DNAH6: variants seen among roughly 807,000 people sequenced by gnomAD.
DNAH6 encodes the protein dynein axonemal heavy chain 6.
A neutral mutation model predicts 491.4 loss-of-function variants in DNAH6; 340 were observed. The observed-to-expected ratio is 0.69, with a 90% confidence interval of 0.63 to 0.76. The LOEUF is 0.76. DNAH6 is among the 30% of genes least tolerant of loss of function. The pLI is 0.00. For synonymous variants in DNAH6, 1,603 were observed against 1,686.1 expected (o/e 0.95, Z 1.21); for missense variants, 4,443 against 4,972.2 (o/e 0.89, Z 3.20).
chr2:84,598,175 CTT>C (rs1684854049), intron 18 of DNAH6, among the ~76,000 whole-genome samples: 1 of 73,628 alleles, frequency 1.4e-5, no homozygotes, highest in African/African-American at 3.3e-5. Context: ...TTCTTTCTTT[CTT>C]TCTCTCTTTC....
the DNAH6 span, among the ~76,000 whole-genome samples, chr2:84,460,406 A>G: frequency 2.6e-5 from 4 of 152,246 alleles, no homozygotes; most frequent in African/African-American, 9.7e-5. Context: ...CAAAATGGAC[A>G]TTTTTATGGC....
intron 47 of DNAH6, among the ~76,000 whole-genome samples, chr2:84,699,000 G>A (rs976025424): frequency 2.6e-5 from 4 of 152,060 alleles, no homozygotes; most frequent in Non-Finnish European, 2.9e-5. Context: ...ACATAAAGTT[G>A]GGAACAATAG....
intron 3 of DNAH6, 24 bp downstream of exon 3, chr2:84,525,762 G>T: frequency 6.7e-7 from 1 of 1,495,218 alleles, no homozygotes; most frequent in South Asian, 1.3e-5. Flanking sequence ...ATACTTAATT[G>T]ATTCTTTTAA....
At chr2:84,561,686 A>G (rs1038392887) in intron 11 of DNAH6, among the ~76,000 whole-genome samples, 1 of 152,170 alleles carries the variant, frequency 6.6e-6, no homozygotes, top group African/African-American at 2.4e-5. Context: ...AACTCAAACA[A>G]ATTTACAAGA....
intron 62 of DNAH6, among the ~76,000 whole-genome samples, chr2:84,744,711 A>G (rs1020530591): frequency 6.6e-6 from 1 of 152,040 alleles, no homozygotes; most frequent in Non-Finnish European, 1.5e-5. Context: ...ATTTTTATTA[A>G]TATAAGAACC....
chr2:84,484,914 A>G, the DNAH6 span, among the ~76,000 whole-genome samples: 2 of 152,208 alleles, frequency 1.3e-5, no homozygotes, highest in African/African-American at 2.4e-5. Flanking sequence ...AATGATATCA[A>G]CAGGTTTTCT....
At chr2:84,744,401 T>C (rs1192387) in intron 62 of DNAH6, among the ~76,000 whole-genome samples, 5,511 of 152,350 alleles carry the variant, frequency 0.036, 150 homozygotes, top group South Asian at 0.061. Context: ...AAGAACTAAC[T>C]GTGATCCTAA....
Position 84,616,980 on chromosome 2 carries a change from A to G in DNAH6, c.3570A>G (p.Pro1190=), listed in dbSNP as rs1686912368. The G allele has an allele frequency of 2.0e-6, 3 of 1,476,392 alleles. No homozygotes were observed. The highest frequency in any genetic ancestry group is 1.4e-5 in the South Asian group (1 of 70,654). 91.5% of individuals were successfully genotyped at this position (1,476,392 alleles called of 1,614,324 possible). ...TAGAATCAAAAAGAGTTATCTTTCC[A>G]AGGTAAGTTTATAAAGCAACCTAAG... The part of the protein sequence containing the change: ...AYLESKRVIF[P]RFYFLSNDEL... The change falls in exon 23 of 77, where the codon CCA becomes CCG. Residue 1190 remains proline, a splice_region_variant and synonymous_variant. Transcript: ENST00000389394.
intron 65 of DNAH6, among the ~76,000 whole-genome samples, chr2:84,783,286 A>C (rs73943400): frequency 0.012 from 1,753 of 152,292 alleles, 36 homozygotes; most frequent in African/African-American, 0.041. Context: ...TCATCATGAA[A>C]AGTCCTGTAC....
the DNAH6 span, among the ~76,000 whole-genome samples, chr2:84,498,938 G>A: frequency 1.3e-5 from 2 of 152,050 alleles, no homozygotes; most frequent in East Asian, 3.8e-4. Flanking sequence ...TGCATTGTAG[G>A]TACTTATATT....
At chr2:84,675,889 G>T (rs911829997) in intron 40 of DNAH6, among the ~76,000 whole-genome samples, 4 of 152,016 alleles carry the variant, frequency 2.6e-5, no homozygotes, top group Admixed American at 1.3e-4. Context: ...TGAACTCCTG[G>T]ACTCAAGTGA....
upstream of DNAH6, among the ~76,000 whole-genome samples, chr2:84,511,522 G>A (rs534724805): frequency 2.0e-5 from 3 of 152,228 alleles, no homozygotes; most frequent in South Asian, 2.1e-4. Context: ...TGTGCTTCCC[G>A]GGTGAGGCGA....
the DNAH6 span, among the ~76,000 whole-genome samples, chr2:84,482,461 G>A: frequency 6.6e-6 from 1 of 152,204 alleles, no homozygotes; most frequent in African/African-American, 2.4e-5. Flanking sequence ...AATGTGTCAG[G>A]CTATTGAATA....
chr2:84,744,190 G>A (rs1419506123), intron 62 of DNAH6, among the ~76,000 whole-genome samples: 1 of 152,202 alleles, frequency 6.6e-6, no homozygotes, highest in Admixed American at 6.5e-5. Context: ...CCAGAGGAGA[G>A]CCCCTGCAGA....
Position 84,722,576 on chromosome 2 carries a change from AT to A in DNAH6, c.9793-44del, listed in dbSNP as rs1698259827. Reference sequence around the variant, plus strand: ...CTGGATACATTCCAGAAGTCCCACTATTTTTCTGGAACAGATCCCTAAGAAC... The same window carrying A: ...CTGGATACATTCCAGAAGTCCCACTATTTTCTGGAACAGATCCCTAAGAAC... On this transcript the variant is annotated intron_variant, in intron 59 of 76. Transcript: ENST00000389394. 2.1e-6 allele frequency: 3 copies of A among 1,428,614 alleles called. No individual in the cohort carries two copies. In the South Asian group the frequency reaches 4.0e-5, roughly 19 times the overall value. The allele number at this position is 1,428,614 out of a possible 1,614,324, so 88.5% of individuals were successfully genotyped here.
Position 84,621,276 on chromosome 2 carries a change from G to A in DNAH6, c.3878G>A (p.Arg1293His), listed in dbSNP as rs747403348. 9.7e-6 allele frequency: 15 copies of A among 1,551,478 alleles called. No homozygotes were observed. Among genetic ancestry groups the A allele is most frequent in the African/African-American group, 2.7e-5 (2 of 73,034 alleles). The change falls in exon 25 of 77, where the codon CGT becomes CAT. Residue 1293 changes from arginine (R) to histidine (H), a missense_variant. Physicochemically the swap from Arg to His is conservative, Grantham distance 29. Transcript: ENST00000389394. ...KVEEAMFTSLRRLCKAAIADY... is the reference protein window; with the variant it reads ...KVEEAMFTSLHRLCKAAIADY... ...GAAGAAGCCATGTTCACATCTCTGC[G>A]TCGCCTGTGCAAAGCTGCCATCGCT...
At chr2:84,817,762 A>G (rs888407348) in intron 76 of DNAH6, among the ~76,000 whole-genome samples, 3 of 152,202 alleles carry the variant, frequency 2.0e-5, no homozygotes, top group Non-Finnish European at 2.9e-5. Context: ...GCTTCCACTC[A>G]TAGCAGAAGA....
chr2:84,782,607 C>G (rs1406339616), intron 65 of DNAH6, among the ~76,000 whole-genome samples: 1 of 152,218 alleles, frequency 6.6e-6, no homozygotes, highest in Non-Finnish European at 1.5e-5. Flanking sequence ...AAGCCTTCTG[C>G]AGGCTGCTTC....
rs936089978 is a variant in DNAH6, at chr2:84,517,864, C to T, written c.38C>T (p.Thr13Ile). 6 of 1,551,506 alleles carry T rather than the reference C, an allele frequency of 3.9e-6. No homozygotes were observed. In the African/African-American group the frequency reaches 6.8e-5, roughly 18 times the overall value. ...FRATDSEFDL[T>I]NIEEYAENSA... ...GCCACAGATAGTGAATTTGACCTGA[C>T]AAATATTGAAGAGTATGCCGAAAAT... The change falls in exon 2 of 77, where the codon ACA becomes ATA. Residue 13 changes from threonine (T) to isoleucine (I), a missense_variant. Thr to Ile is a moderately conservative substitution (Grantham distance 89). Around this residue, in one of 3 missense-constraint regions of DNAH6, gnomAD observed 2,977 missense variants for 3,296.6 expected, o/e 0.90. Coordinates refer to ENST00000389394, the MANE Select transcript of DNAH6 (RefSeq NM_001370.2).
Sources: allele counts gnomAD v4.1 joint callset (sites outside exome capture counted in the v4.1 genomes callset), GRCh38; gene constraint gnomAD v4.1.1; regional missense constraint gnomAD v4.1.1; transcripts MANE v1.5; gene names NCBI Gene and HGNC (gene_info 2026-07-23, HGNC 2026-07-21).